Variants in FBRSL1 observed in about 807,000 individuals in gnomAD.
FBRSL1 encodes fibrosin like 1.
FBRSL1 carries 51 observed loss-of-function variants against 89.6 expected under a neutral mutation model. The ratio of observed to expected loss-of-function variants is 0.57; its 90% confidence interval spans 0.45 to 0.72. FBRSL1 has a LOEUF of 0.72. FBRSL1 is among the 30% of genes least tolerant of loss of function. The pLI is 0.00. For synonymous variants in FBRSL1, 779 were observed against 681.1 expected (o/e 1.14, Z -2.24); for missense variants, 1,618 against 1,451.8 (o/e 1.11, Z -1.86).
Position 132,499,356 on chromosome 12 carries a change from A to G in FBRSL1, c.291+8495A>G, listed in dbSNP as rs984607471. On this transcript the variant is annotated intron_variant, in intron 1 of 18. Transcript: ENST00000680143. The surrounding 1 kb of genome is among the most constrained non-coding windows in gnomAD (Gnocchi z 4.3). ...TGGTGCTGGACCTCTGGGAGAGGCC[A>G]GGTGAGCCGCTGGCCAGCAGGGAAG... Among the ~76,000 whole-genome samples, 6 of 151,996 alleles carry G rather than the reference A, an allele frequency of 3.9e-5. No individual in the cohort carries two copies. Among genetic ancestry groups the G allele is most frequent in the Non-Finnish European group, 8.8e-5 (6 of 67,974 alleles).
At chr12:132,537,262 A>G (rs2036842113) in intron 4 of FBRSL1, among the ~76,000 whole-genome samples, 1 of 152,164 alleles carries the variant, frequency 6.6e-6, no homozygotes, top group African/African-American at 2.4e-5. Context: ...TCGGGTGTAG[A>G]ATGGAAAGCT....
chr12:132,575,141 C>G (rs764390651), intron 14 of FBRSL1, among the ~76,000 whole-genome samples: 8 of 152,204 alleles, frequency 5.3e-5, no homozygotes, highest in Non-Finnish European at 1.0e-4. Flanking sequence ...CTGCGCTGTC[C>G]TGATGACGCA....
chr12:132,501,897 C>A (rs913501947), intron 1 of FBRSL1, among the ~76,000 whole-genome samples: 3 of 152,224 alleles, frequency 2.0e-5, no homozygotes, highest in African/African-American at 4.8e-5. Context: ...CTGCGTCCCC[C>A]CTTTGGGGAC....
intron 5 of FBRSL1, among the ~76,000 whole-genome samples, chr12:132,558,753 T>C (rs2038876497): frequency 6.6e-6 from 1 of 152,208 alleles, no homozygotes; most frequent in South Asian, 2.1e-4. Context: ...GGCTGCGGGC[T>C]CCGCCATGGA....
intron 4 of FBRSL1, among the ~76,000 whole-genome samples, chr12:132,537,805 A>C (rs531674946): frequency 7.9e-5 from 12 of 152,344 alleles, no homozygotes; most frequent in Middle Eastern, 3.4e-3. Context: ...GTCTCCAGCT[A>C]AGTGGACCCC....
Position 132,511,670 on chromosome 12 carries a change from G to A in FBRSL1, c.489+3320G>A, listed in dbSNP as rs3751299. The stretch of plus-strand genomic sequence containing the variant: ...AGGCCTGGTCTTGCCCAGCTGGGCT[G>A]CCTCAGGTGTCAGGAAGGGGATGGG... On this transcript the variant is annotated intron_variant, in intron 2 of 18. Coordinates refer to ENST00000680143, the MANE Select transcript of FBRSL1 (RefSeq NM_001367871.1). 11,244 of 985,348 alleles carry A rather than the reference G, an allele frequency of 0.011. 118 individuals carry two copies. In the East Asian group the frequency reaches 0.12, roughly 11 times the overall value. 61.0% of individuals were successfully genotyped at this position (985,348 alleles called of 1,614,324 possible).
At chr12:132,549,707 G>A (rs1001283606) in intron 5 of FBRSL1, among the ~76,000 whole-genome samples, 3 of 152,152 alleles carry the variant, frequency 2.0e-5, no homozygotes, top group African/African-American at 7.2e-5. Flanking sequence ...ACGTGGAGTC[G>A]GCGATGCCGG....
chr12:132,569,128 A>G (rs1302306442), intron 6 of FBRSL1, among the ~76,000 whole-genome samples: 2 of 146,760 alleles, frequency 1.4e-5, no homozygotes, highest in Non-Finnish European at 3.0e-5. Flanking sequence ...GCTCCACCAC[A>G]TGGACGCTGC....
intron 2 of FBRSL1, chr12:132,511,353 T>G: frequency 1.0e-6 from 1 of 985,664 alleles, no homozygotes; most frequent in Non-Finnish European, 1.2e-6. Context: ...CTACATGTGG[T>G]CGGGCACACC....
intron 1 of FBRSL1, among the ~76,000 whole-genome samples, chr12:132,504,517 G>T (rs561633402): frequency 2.0e-5 from 3 of 152,114 alleles, no homozygotes; most frequent in African/African-American, 4.8e-5. Context: ...GTGGCGTTGC[G>T]CAGGGAGGGC....
intron 1 of FBRSL1, among the ~76,000 whole-genome samples, chr12:132,493,432 T>A (rs908659860): frequency 6.6e-6 from 1 of 151,732 alleles, no homozygotes; most frequent in Non-Finnish European, 1.5e-5. Context: ...GCCGGGGAGG[T>A]GCAGCCTGCC....
At chr12:132,526,564 T>A (rs1376057283) in intron 3 of FBRSL1, among the ~76,000 whole-genome samples, 1 of 152,136 alleles carries the variant, frequency 6.6e-6, no homozygotes, top group Non-Finnish European at 1.5e-5. Context: ...CCTGACATCC[T>A]GGGGCCCTTC....
chr12:132,568,119 C>T (rs571226897), intron 6 of FBRSL1, among the ~76,000 whole-genome samples: 1 of 152,302 alleles, frequency 6.6e-6, no homozygotes, highest in Non-Finnish European at 1.5e-5. Flanking sequence ...GCCAGCAACC[C>T]TCTCCAGAGG....
chr12:132,498,106 G>A (rs757882795), intron 1 of FBRSL1, among the ~76,000 whole-genome samples: 1 of 152,178 alleles, frequency 6.6e-6, no homozygotes, highest in Non-Finnish European at 1.5e-5. Flanking sequence ...TGGGGAGGGT[G>A]CCTGCTGTTT....
intron 5 of FBRSL1, chr12:132,564,960 G>A (rs1242488070): frequency 6.6e-6 from 1 of 152,144 alleles, no homozygotes. Context: ...GAGAGCTGTG[G>A]GTCTCGCACG....
chr12:132,564,518 C>T (rs1165636153), intron 5 of FBRSL1, among the ~76,000 whole-genome samples: 4 of 95,636 alleles, frequency 4.2e-5, no homozygotes, highest in African/African-American at 2.1e-4. Flanking sequence ...TTTTTTGAGA[C>T]GGAGTCTCGC....
At chr12:132,508,824 G>A (rs2033997982) in intron 2 of FBRSL1, among the ~76,000 whole-genome samples, 1 of 152,216 alleles carries the variant, frequency 6.6e-6, no homozygotes, top group Non-Finnish European at 1.5e-5. Flanking sequence ...ACGTGACTGT[G>A]GTCAGTGGTC....
chr12:132,502,753 GC>G (rs1204598143), intron 1 of FBRSL1, among the ~76,000 whole-genome samples: 3 of 15,072 alleles, frequency 2.0e-4, no homozygotes, highest in African/African-American at 3.1e-4. Flanking sequence ...GCCTGTCCCC[GC>G]CCCCTCCTGT....
At chr12:132,571,321 A>G in intron 9 of FBRSL1, 90 bp downstream of exon 9, 1 of 1,544,168 alleles carries the variant, frequency 6.5e-7, no homozygotes, top group Non-Finnish European at 8.8e-7. Flanking sequence ...CGAGCTGCTC[A>G]GGCAAGAGCT....
Sources: allele counts gnomAD v4.1 joint callset (sites outside exome capture counted in the v4.1 genomes callset), GRCh38; gene constraint gnomAD v4.1.1; non-coding constraint Gnocchi (gnomAD v3.1); transcripts MANE v1.5; gene names NCBI Gene and HGNC (gene_info 2026-07-23, HGNC 2026-07-21).